Variants in SYT1 observed in about 807,000 individuals in gnomAD.
The protein encoded by SYT1 is synaptotagmin-1.
Under a neutral mutation model 44.8 loss-of-function variants are expected in SYT1, and 8 were observed. The observed-to-expected ratio is 0.18, with a 90% CI of 0.10 to 0.32. The LOEUF is 0.32. Ranked by LOEUF, SYT1 falls within the 10% of genes least tolerant of loss-of-function variation. SYT1 has a pLI of 1.00. For missense variants in SYT1, 286 were observed against 509.3 expected, an observed-to-expected ratio of 0.56 and a Z score of 4.22; for synonymous variants, 154 against 188.8, an observed-to-expected ratio of 0.82 and a Z score of 1.51.
chr12:78,982,855 A>T lies in SYT1; in HGVS notation c.-84+4924A>T, dbSNP rs112887697. Among the ~76,000 whole-genome samples, 195 of 152,288 alleles carry T rather than the reference A, an allele frequency of 1.3e-3. 1 individual carries two copies. Among genetic ancestry groups the T allele is most frequent in the Middle Eastern group, 0.01 (3 of 294 alleles). On this transcript the variant is annotated intron_variant, in intron 2 of 10. Coordinates refer to ENST00000261205, the MANE Select transcript of SYT1 (RefSeq NM_005639.3). ...ACACTTCCCTGATCCAACAAATCTT[A>T]TCCATCATGCAGCCTGAGTTCATAC...
chr12:78,945,039 G>A (rs1878575955), intron 1 of SYT1, among the ~76,000 whole-genome samples: 2 of 152,140 alleles, frequency 1.3e-5, no homozygotes, highest in Non-Finnish European at 2.9e-5. Context: ...CTGGAAATGT[G>A]TGTGAGAATG....
chr12:79,349,033 A>AAAAG (rs764396345), intron 8 of SYT1, among the ~76,000 whole-genome samples: 59 of 120,276 alleles, frequency 4.9e-4, no homozygotes, highest in South Asian at 1.4e-3. Context: ...GAAAGAAAGA[A>AAAAG]AAAGAAAGAA....
At chr12:79,125,418 C>G (rs890650387) in intron 3 of SYT1, among the ~76,000 whole-genome samples, 1 of 145,290 alleles carries the variant, frequency 6.9e-6, no homozygotes, top group Non-Finnish European at 1.5e-5. Context: ...CAAGACCAGC[C>G]TGGGAAACAT....
chr12:79,117,672 T>A (rs1256553224), intron 3 of SYT1, among the ~76,000 whole-genome samples: 7 of 52,058 alleles, frequency 1.3e-4, no homozygotes, highest in Non-Finnish European at 2.6e-4. Flanking sequence ...CATATATATA[T>A]ATATATATAT....
chr12:79,062,609 T>C (rs1875473483), intron 3 of SYT1, among the ~76,000 whole-genome samples: 1 of 152,166 alleles, frequency 6.6e-6, no homozygotes, highest in South Asian at 2.1e-4. Context: ...AAGTTTAAAC[T>C]TCATTCTTAA....
chr12:79,158,508 T>C (rs983233357), intron 3 of SYT1, among the ~76,000 whole-genome samples: 5 of 152,060 alleles, frequency 3.3e-5, no homozygotes, highest in Non-Finnish European at 7.4e-5. Flanking sequence ...CCAGTACTGG[T>C]CCATGGCCTG....
At chr12:78,977,070 A>T (rs541437416) in intron 1 of SYT1, among the ~76,000 whole-genome samples, 2 of 152,240 alleles carry the variant, frequency 1.3e-5, no homozygotes, top group Admixed American at 1.3e-4. Flanking sequence ...AACAGAAAAA[A>T]ATTTTAAAAG....
intron 9 of SYT1, among the ~76,000 whole-genome samples, chr12:79,431,026 G>C (rs1270406242): frequency 7.2e-5 from 11 of 152,188 alleles, no homozygotes; most frequent in Admixed American, 7.2e-4. Flanking sequence ...AAAGTTAAGA[G>C]AAAATATCAA....
intron 9 of SYT1, chr12:79,392,860 T>G (rs1356483391): frequency 2.7e-5 from 4 of 150,790 alleles, no homozygotes; most frequent in Non-Finnish European, 4.4e-5. Flanking sequence ...AACGTGCAGT[T>G]TTGTTACATA....
intron 9 of SYT1, among the ~76,000 whole-genome samples, chr12:79,402,626 G>GA (rs1224201608): frequency 6.6e-6 from 1 of 152,190 alleles, no homozygotes; most frequent in Admixed American, 6.5e-5. Context: ...GAAGAAAAGA[G>GA]AGCAAGCTCA....
intron 1 of SYT1, chr12:78,960,399 T>C (rs1478064215): frequency 2.6e-5 from 4 of 152,182 alleles, no homozygotes; most frequent in African/African-American, 9.7e-5. Context: ...ATTTGGAAAA[T>C]AGAAACACTT....
rs540422583 is a variant in SYT1, at chr12:79,415,042, C to T, written c.929-29031C>T. On this transcript the variant is annotated intron_variant, in intron 9 of 10. Transcript: ENST00000261205. Reference sequence around the variant, plus strand: ...TACCCAAAGGATTTAGGTAACTCTTCCTTTATATATTTTCCATTTTATTTA... The same window carrying T: ...TACCCAAAGGATTTAGGTAACTCTTTCTTTATATATTTTCCATTTTATTTA... Among the ~76,000 whole-genome samples, 5 of 152,090 alleles carry T rather than the reference C, an allele frequency of 3.3e-5. No individual in the cohort carries two copies. In the East Asian group the frequency reaches 9.7e-4, roughly 29 times the overall value.
At position 78,969,787 on chromosome 12, in the gene SYT1, C is replaced by T. The variant is rs1238881720; in HGVS notation, c.-216-8012C>T. Among the ~76,000 whole-genome samples the T allele has an allele frequency of 2.0e-5, 3 of 152,074 alleles. No homozygotes were observed. The South Asian group carries it at 6.2e-4, about 32-fold the overall frequency. On this transcript the variant is annotated intron_variant, in intron 1 of 10. Coordinates refer to ENST00000261205, the MANE Select transcript of SYT1 (RefSeq NM_005639.3). ...CTGAAGATTTTAAATGGGGAGGTGA[C>T]GTGCTTTATCAGTCTTGCATTTTGA...
At chr12:78,984,022 A>G (rs148023262) in intron 2 of SYT1, among the ~76,000 whole-genome samples, 16 of 152,060 alleles carry the variant, frequency 1.1e-4, no homozygotes, top group African/African-American at 3.9e-4. Context: ...AGACCTAAAT[A>G]TTTACAACCA....
At chr12:79,307,637 TG>T (rs545660437) in intron 8 of SYT1, among the ~76,000 whole-genome samples, 42 of 14,090 alleles carry the variant, frequency 3.0e-3, no homozygotes, top group Admixed American at 0.011. Context: ...TGGGGGGGCG[TG>T]GGGGGGGGCG....
intron 3 of SYT1, among the ~76,000 whole-genome samples, chr12:79,061,089 G>A (rs1461393399): frequency 6.6e-6 from 1 of 152,070 alleles, no homozygotes; most frequent in African/African-American, 2.4e-5. Flanking sequence ...AGGGAAGGGA[G>A]CATTGATTCT....
At chr12:79,196,261 G>A (rs749287392) in intron 3 of SYT1, among the ~76,000 whole-genome samples, 25 of 151,930 alleles carry the variant, frequency 1.6e-4, no homozygotes, top group Non-Finnish European at 2.8e-4. Flanking sequence ...TCCACCTCCC[G>A]GGTTCAAGTC....
intron 8 of SYT1, among the ~76,000 whole-genome samples, chr12:79,308,644 GAAAGAAAGAAAGA>G (rs1165901808): frequency 1.9e-5 from 2 of 105,038 alleles, no homozygotes; most frequent in Non-Finnish European, 3.8e-5. Flanking sequence ...AAGAAAGAAA[GAAAGAAAGAAAGA>G]AAAGAGAAGG....
intron 3 of SYT1, among the ~76,000 whole-genome samples, chr12:79,152,281 C>T (rs956514327): frequency 1.3e-5 from 2 of 151,984 alleles, no homozygotes; most frequent in Non-Finnish European, 2.9e-5. Context: ...AGAATTTGAT[C>T]AGGAGGAGAG....
Sources: allele counts gnomAD v4.1 joint callset (sites outside exome capture counted in the v4.1 genomes callset), GRCh38; gene constraint gnomAD v4.1.1; transcripts MANE v1.5; gene names NCBI Gene and HGNC (gene_info 2026-07-23, HGNC 2026-07-21).